Variants in DNAH9 observed in about 807,000 individuals in gnomAD.
The protein encoded by DNAH9 is dynein axonemal heavy chain 9.
Under a neutral mutation model 471.6 loss-of-function variants are expected in DNAH9, and 345 were observed. The observed-to-expected ratio is 0.73, with a 90% confidence interval of 0.67 to 0.80. DNAH9 has a LOEUF of 0.80. Among genes scored for constraint, DNAH9 ranks in the 30% least tolerant of loss-of-function variants. The pLI, the probability that DNAH9 is intolerant of heterozygous loss-of-function variation, is 0.00. For missense variants in DNAH9, 5,407 were observed against 5,609.2 expected, an observed-to-expected ratio of 0.96 and a Z score of 1.15; for synonymous variants, 2,093 against 2,123.6, an observed-to-expected ratio of 0.99 and a Z score of 0.40.
intron 38 of DNAH9, among the ~76,000 whole-genome samples, chr17:11,771,867 T>C (rs1037821246): frequency 2.0e-5 from 3 of 152,206 alleles, no homozygotes; most frequent in African/African-American, 7.2e-5. Flanking sequence ...ACTTAGACTT[T>C]TACACTTTTC....
rs866469154 is a variant in DNAH9, at chr17:11,923,922, G to A, written c.11858G>A (p.Gly3953Asp). The change falls in exon 62 of 69, where the codon GGT (glycine) becomes GAT (aspartate). Residue 3953 changes from glycine (G) to aspartate (D), a missense_variant. Gly to Asp is a moderately conservative substitution (Grantham distance 94). Coordinates refer to ENST00000262442, the MANE Select transcript of DNAH9 (RefSeq NM_001372.4). ...GCGCTGGACCTCGCTGCCAAGAAAGGTCACTGGGTTATTTTGCAGGTATGT... is the reference window on the plus strand; with the variant it reads ...GCGCTGGACCTCGCTGCCAAGAAAGATCACTGGGTTATTTTGCAGGTATGT... ...EAALDLAAKK[G>D]HWVILQNIHL... 1.2e-6 allele frequency: 2 copies of A among 1,613,950 alleles called. No individual in the cohort carries two copies. Among genetic ancestry groups the A allele is most frequent in the Middle Eastern group, 3.3e-4 (2 of 6,058 alleles).
chr17:11,927,883 A>G (rs1462365353), intron 62 of DNAH9, among the ~76,000 whole-genome samples: 1 of 152,186 alleles, frequency 6.6e-6, no homozygotes, highest in Non-Finnish European at 1.5e-5. Flanking sequence ...CCTGCCCAGT[A>G]GCAGAACTTG....
intron 8 of DNAH9, 82 bp downstream of exon 8, chr17:11,632,785 C>T (rs9897667): frequency 3.0e-6 from 2 of 675,258 alleles, no homozygotes; most frequent in Non-Finnish European, 5.4e-6. Flanking sequence ...TACCTTTCCA[C>T]CTGTTCTGTT....
intron 35 of DNAH9, among the ~76,000 whole-genome samples, chr17:11,761,575 G>C (rs946944477): frequency 1.3e-5 from 2 of 152,242 alleles, no homozygotes; most frequent in Admixed American, 1.3e-4. Context: ...GACAACCCCT[G>C]CTGCACACAG....
chr17:11,599,534 C>T (rs1597603451), intron 1 of DNAH9, among the ~76,000 whole-genome samples: 1 of 152,154 alleles, frequency 6.6e-6, no homozygotes, highest in East Asian at 1.9e-4. Flanking sequence ...GTTGGGCTCC[C>T]ATTTGGAAAT....
At chr17:11,636,815 A>T (rs2073175916) in intron 9 of DNAH9, 31 bp downstream of exon 9, 1 of 1,600,022 alleles carries the variant, frequency 6.2e-7, no homozygotes, top group Non-Finnish European at 8.6e-7. Context: ...TTTGATGGGG[A>T]CATTCTGTTA....
rs1967735782 is a variant in DNAH9 at position 11,762,758 on chromosome 17, GTTTTTTTTTTTGT to G, written c.6996-670_6996-658del. The stretch of plus-strand genomic sequence containing the variant: ...GCACCAAAATTGCCTCTTTAGGTGC[GTTTTTTTTTTTGT>G]TTTTTTTTTTTTTTTTTTTTTTTTT... On this transcript the variant is annotated intron_variant, in intron 35 of 68. Coordinates refer to ENST00000262442, the MANE Select transcript of DNAH9 (RefSeq NM_001372.4). 6.3e-5 allele frequency among the ~76,000 whole-genome samples: 6 copies of G among 94,788 alleles called. 1 individual carries two copies. The highest frequency in any genetic ancestry group is 1.1e-4 in the Non-Finnish European group (5 of 46,736). 62.2% of individuals were successfully genotyped at this position (94,788 alleles called of 152,430 possible).
intron 48 of DNAH9, among the ~76,000 whole-genome samples, chr17:11,826,484 G>A (rs1182982171): frequency 1.3e-4 from 16 of 127,232 alleles, no homozygotes; most frequent in African/African-American, 1.8e-4. Flanking sequence ...TTTTTGAGGC[G>A]GAGTCTTGCT....
At chr17:11,727,999 A>T in intron 28 of DNAH9, 77 bp downstream of exon 28, 1 of 915,812 alleles carries the variant, frequency 1.1e-6, no homozygotes, top group Non-Finnish European at 1.8e-6. Flanking sequence ...CTTGTTTTCT[A>T]CCTCTCCTGA....
At chr17:11,876,236 A>G (rs1972476947) in intron 53 of DNAH9, among the ~76,000 whole-genome samples, 2 of 152,230 alleles carry the variant, frequency 1.3e-5, no homozygotes, top group African/African-American at 4.8e-5. Flanking sequence ...ATGCAATGGA[A>G]TATTATTGCC....
intron 61 of DNAH9, among the ~76,000 whole-genome samples, chr17:11,906,144 C>T (rs959234750): frequency 6.6e-6 from 1 of 152,158 alleles, no homozygotes; most frequent in African/African-American, 2.4e-5. Context: ...GTGGCGATTC[C>T]TCAAAGACCT....
chr17:11,910,223 C>G (rs1028780571), intron 61 of DNAH9, among the ~76,000 whole-genome samples: 2 of 151,948 alleles, frequency 1.3e-5, no homozygotes, highest in Non-Finnish European at 2.9e-5. Context: ...CCACTGCACT[C>G]CAGCCTGGGT....
At chr17:11,603,344 G>C (rs140574193) in intron 1 of DNAH9, among the ~76,000 whole-genome samples, 1 of 152,242 alleles carries the variant, frequency 6.6e-6, no homozygotes, top group Non-Finnish European at 1.5e-5. Flanking sequence ...AAAACCTCCT[G>C]TTAACCTCAC....
chr17:11,777,293 C>A (rs955303417), intron 38 of DNAH9, among the ~76,000 whole-genome samples: 1 of 152,226 alleles, frequency 6.6e-6, no homozygotes, highest in African/African-American at 2.4e-5. Context: ...TGTCATCCTA[C>A]ATTACTAGTG....
rs1292115504 is a variant in DNAH9, at chr17:11,645,865, CTCTTTT to C, written c.1970+1180_1970+1185del. ...TAGGTGCCTGATGTCCTGTACATTTCTCTTTTTCTTTTTCTTTTTTTTTTTTTTTTT... is the reference window on the plus strand; with the variant it reads ...TAGGTGCCTGATGTCCTGTACATTTCTCTTTTTCTTTTTTTTTTTTTTTTT... On this transcript the variant is annotated intron_variant, in intron 11 of 68. Coordinates refer to ENST00000262442, the MANE Select transcript of DNAH9 (RefSeq NM_001372.4). Among the ~76,000 whole-genome samples, 176 of 132,088 alleles carry C rather than the reference CTCTTTT, an allele frequency of 1.3e-3. 2 individuals are homozygous for C. The highest frequency in any genetic ancestry group is 3.2e-3 in the South Asian group (13 of 4,076). The allele number at this position is 132,088 out of a possible 152,430, so 86.7% of individuals were successfully genotyped here.
chr17:11,737,537 C>T (rs2075367402), intron 28 of DNAH9, among the ~76,000 whole-genome samples: 1 of 152,180 alleles, frequency 6.6e-6, no homozygotes, highest in African/African-American at 2.4e-5. Context: ...CTGGACAAGG[C>T]TGTGGGCTAG....
intron 44 of DNAH9, among the ~76,000 whole-genome samples, chr17:11,809,263 G>T (rs1969800247): frequency 6.6e-6 from 1 of 152,046 alleles, no homozygotes; most frequent in Admixed American, 6.6e-5. Flanking sequence ...TTTTGCTGGA[G>T]CTAGTCATAA....
intron 61 of DNAH9, among the ~76,000 whole-genome samples, chr17:11,923,037 C>T (rs1484251764): frequency 6.9e-6 from 1 of 145,202 alleles, no homozygotes; most frequent in African/African-American, 2.5e-5. Flanking sequence ...TGATTTTGGT[C>T]TGAACAAGTG....
chr17:11,645,879 C>A (rs113009334), intron 11 of DNAH9, among the ~76,000 whole-genome samples: 5 of 70,646 alleles, frequency 7.1e-5, no homozygotes, highest in African/African-American at 2.0e-4. Context: ...TTTTCTTTTT[C>A]TTTTTTTTTT....
Sources: gnomAD v4.1 joint callset for allele counts (sites outside exome capture counted in the v4.1 genomes callset) on GRCh38, gnomAD v4.1.1 for gene constraint, MANE v1.5 for transcripts, NCBI Gene and HGNC (gene_info 2026-07-23, HGNC 2026-07-21) for gene names.